SMC1B: variants seen among roughly 807,000 people sequenced by gnomAD.
The protein encoded by SMC1B is structural maintenance of chromosomes protein 1B.
Under a neutral mutation model 157.9 loss-of-function variants are expected in SMC1B, and 60 were observed. That is an observed-to-expected ratio of 0.38 (90% CI 0.31 to 0.47). The LOEUF is 0.47. Among genes scored for constraint, SMC1B ranks in the 20% least tolerant of loss-of-function variants. The pLI, the probability that SMC1B is intolerant of heterozygous loss-of-function variation, is 0.99. For synonymous variants in SMC1B, 445 were observed against 483.0 expected (o/e 0.92, Z 1.03); for missense variants, 1,165 against 1,426.2 (o/e 0.82, Z 2.95).
At chr22:45,363,711 T>TA (rs112616173) in intron 15 of SMC1B, among the ~76,000 whole-genome samples, 131,093 of 148,974 alleles carry the variant, frequency 0.88, 56,659 homozygotes, top group African/African-American at 0.9. Context: ...AAATTCTTTT[T>TA]TAAAAAAGAA....
At chr22:45,372,059 A>T in intron 13 of SMC1B, 96 bp downstream of exon 13, 1 of 1,098,674 alleles carries the variant, frequency 9.1e-7, no homozygotes, top group Non-Finnish European at 1.3e-6. Context: ...AAAAAAAAAA[A>T]GTATCTGAAA....
intron 4 of SMC1B, among the ~76,000 whole-genome samples, chr22:45,405,804 C>G (rs1000326377): frequency 2.0e-5 from 3 of 152,154 alleles, no homozygotes; most frequent in Non-Finnish European, 4.4e-5. Context: ...AAGACTTTGT[C>G]TATTTCAATG....
At chr22:45,353,893 C>CAAAAACAAAAAAAA (rs2086639467) in intron 21 of SMC1B, 85 bp downstream of exon 21, 1 of 234,542 alleles carries the variant, frequency 4.3e-6, no homozygotes, top group African/African-American at 6.5e-5. Context: ...TATTTCCCAC[C>CAAAAACAAAAAAAA]AAAAAAAAAA....
intron 9 of SMC1B, among the ~76,000 whole-genome samples, chr22:45,390,870 A>G (rs141026582): frequency 1.3e-5 from 2 of 152,290 alleles, no homozygotes; most frequent in East Asian, 3.9e-4. Context: ...TGAAGGTTTA[A>G]TTTTGTATCT....
At chr22:45,398,975 C>A in intron 6 of SMC1B, 120 bp downstream of exon 6, 3 of 1,029,646 alleles carry the variant, frequency 2.9e-6, no homozygotes, top group East Asian at 2.4e-5. Flanking sequence ...TAAATCCCCA[C>A]AATTTACATT....
Position 45,361,717 on chromosome 22 carries a change from T to G in SMC1B, c.2708+122A>C, listed in dbSNP as rs189453415. On this transcript the variant is annotated intron_variant, in intron 17 of 24. Coordinates refer to ENST00000357450, the MANE Select transcript of SMC1B (RefSeq NM_148674.5). ...AAATTACAATGTTTGAAGGGTGTGATGTGAGACCAAGAGCAACAAAGGGCA... is the reference window on the plus strand; with the variant it reads ...AAATTACAATGTTTGAAGGGTGTGAGGTGAGACCAAGAGCAACAAAGGGCA... 66 of 932,978 alleles carry G rather than the reference T, an allele frequency of 7.1e-5. No individual in the cohort carries two copies. The East Asian group carries it at 1.4e-3, about 20-fold the overall frequency. The allele number at this position is 932,978 out of a possible 1,614,324, so 57.8% of individuals were successfully genotyped here. A position where few individuals can be genotyped will look rare whatever the true frequency, so the allele number is the denominator to read the frequency against.
intron 4 of SMC1B, among the ~76,000 whole-genome samples, chr22:45,404,913 T>C (rs1311673850): frequency 2.0e-5 from 3 of 152,220 alleles, no homozygotes; most frequent in Non-Finnish European, 2.9e-5. Context: ...TGACTCTTTG[T>C]TGACAGACAA....
intron 6 of SMC1B, among the ~76,000 whole-genome samples, chr22:45,397,883 C>T (rs2087143812): frequency 6.6e-6 from 1 of 152,188 alleles, no homozygotes; most frequent in Non-Finnish European, 1.5e-5. Flanking sequence ...CTTTGCCTTC[C>T]TCACTCTTCG....
chr22:45,362,471 C>T (rs2086731059), intron 16 of SMC1B, among the ~76,000 whole-genome samples: 1 of 152,260 alleles, frequency 6.6e-6, no homozygotes, highest in Non-Finnish European at 1.5e-5. Flanking sequence ...GAGTCTCAAC[C>T]ATTCTCATGT....
In SMC1B at chr22:45,361,869, T is replaced by C. The variant is rs776356790; in HGVS notation, c.2678A>G (p.Glu893Gly). Residue 893 changes from glutamate to glycine, a missense_variant, in exon 17 of 25, where the codon GAG (glutamate) becomes GGG (glycine). Glu to Gly is a moderately conservative substitution (Grantham distance 98). Coordinates refer to ENST00000357450, the MANE Select transcript of SMC1B (RefSeq NM_148674.5). ...AACAGCCAGAAACTTCTTCCGTTCC[T>C]CTTCAATTTGAGTTTGAACTTTCTC... ...SAEKVQTQIEEERKKFLAVDR... is the reference protein window; with the variant it reads ...SAEKVQTQIEGERKKFLAVDR... The C allele has an allele frequency of 1.2e-6, 2 of 1,614,112 alleles. No individual in the cohort carries two copies. Among genetic ancestry groups the C allele is most frequent in the Non-Finnish European group, 1.7e-6 (2 of 1,180,004 alleles).
rs1007016706 is a variant in SMC1B at position 45,354,152 on chromosome 22, C to T, written c.3119-20G>A. ...CAAAAGCTAAGAGAGAATCAATGTT[C>T]TTTATTTTAGAGACCACTGAGGAGG... is the stretch of plus-strand genomic sequence containing the variant. On this transcript the variant is annotated intron_variant, in intron 20 of 24. Coordinates refer to ENST00000357450, the MANE Select transcript of SMC1B (RefSeq NM_148674.5). 9.9e-6 allele frequency: 15 copies of T among 1,517,314 alleles called. No individual in the cohort carries two copies. Among genetic ancestry groups the T allele is most frequent in the Admixed American group, 7.6e-5 (3 of 39,342 alleles). The allele number at this position is 1,517,314 out of a possible 1,614,324, so 94.0% of individuals were successfully genotyped here. A position where few individuals can be genotyped will look rare whatever the true frequency, so the allele number is the denominator to read the frequency against.
intron 16 of SMC1B, 79 bp from the exon 17 acceptor site, chr22:45,362,063 C>A: frequency 1.4e-6 from 2 of 1,392,520 alleles, no homozygotes; most frequent in Non-Finnish European, 2.0e-6. Flanking sequence ...TCAATAACAC[C>A]AAACCAGTTA....
At chr22:45,352,390 G>C (rs2086623973) in intron 22 of SMC1B, 61 bp downstream of exon 22, 1 of 1,484,594 alleles carries the variant, frequency 6.7e-7, no homozygotes, top group Non-Finnish European at 9.1e-7. Context: ...TATATCTTCT[G>C]TAGGAAGGTC....
intron 19 of SMC1B, among the ~76,000 whole-genome samples, chr22:45,357,887 T>C (rs752106388): frequency 2.0e-5 from 3 of 152,180 alleles, no homozygotes; most frequent in Non-Finnish European, 4.4e-5. Context: ...CCTAATGAGC[T>C]GACTGTTGGA....
intron 12 of SMC1B, among the ~76,000 whole-genome samples, chr22:45,376,520 C>A (rs937898761): frequency 1.3e-5 from 2 of 152,060 alleles, no homozygotes; most frequent in African/African-American, 4.8e-5. Flanking sequence ...CTTTTTAAGA[C>A]CCTACTTTCT....
At chr22:45,369,920 T>C (rs1263661658) in intron 15 of SMC1B, 34 bp downstream of exon 15, 25 of 1,131,412 alleles carry the variant, frequency 2.2e-5, no homozygotes, top group Non-Finnish European at 3.2e-5. Flanking sequence ...TATAAATATG[T>C]AAGCTCCTTA....
intron 15 of SMC1B, among the ~76,000 whole-genome samples, chr22:45,363,391 T>C (rs1488827895): frequency 1.3e-5 from 2 of 152,332 alleles, no homozygotes; most frequent in East Asian, 3.9e-4. Context: ...TTTTAAAAAT[T>C]TTCTTTTATT....
intron 11 of SMC1B, among the ~76,000 whole-genome samples, chr22:45,384,206 C>G (rs958767583): frequency 6.6e-6 from 1 of 152,026 alleles, no homozygotes; most frequent in African/African-American, 2.4e-5. Context: ...TTGTTCATAT[C>G]CTTGCCCATT....
chr22:45,396,775 C>A (rs1020477756), intron 6 of SMC1B, among the ~76,000 whole-genome samples: 2 of 151,970 alleles, frequency 1.3e-5, no homozygotes, highest in Non-Finnish European at 1.5e-5. Context: ...CTCACTGCAG[C>A]TTTGGCCTCC....
Sources: gnomAD v4.1 joint callset for allele counts (sites outside exome capture counted in the v4.1 genomes callset) on GRCh38, gnomAD v4.1.1 for gene constraint, MANE v1.5 for transcripts, NCBI Gene and HGNC (gene_info 2026-07-23, HGNC 2026-07-21) for gene names.